The following SAMD8 variants were observed in gnomAD, a reference collection of about 807,000 sequenced individuals.
The protein encoded by SAMD8 is sphingomyelin synthase-related protein 1.
A neutral mutation model predicts 42.0 loss-of-function variants in SAMD8; 20 were observed. That is an observed-to-expected ratio of 0.48 (90% confidence interval 0.34 to 0.69). SAMD8 has a LOEUF of 0.69. Among genes scored for constraint, SAMD8 ranks in the 30% least tolerant of loss-of-function variants. The probability of loss-of-function intolerance (pLI) is 0.01; values close to 1 mark genes in which losing one functional copy is unlikely to be tolerated. For missense variants in SAMD8, 328 were observed against 511.6 expected, an observed-to-expected ratio of 0.64 and a Z score of 3.46; for synonymous variants, 162 against 173.0, an observed-to-expected ratio of 0.94 and a Z score of 0.50.
chr10:75,138,941 TG>T (rs947526946), intron 1 of SAMD8, among the ~76,000 whole-genome samples: 4 of 151,334 alleles, frequency 2.6e-5, no homozygotes, highest in Admixed American at 2.6e-4. Context: ...TGACCTTTGA[TG>T]CTTAAGTGGT....
chr10:75,109,286 T>A, upstream of SAMD8: 1 of 1,116,214 alleles, frequency 9.0e-7, no homozygotes, highest in Admixed American at 3.3e-5. Context: ...CAGGGGCCTC[T>A]GGAGTGGACA....
At chr10:75,134,035 G>C (rs1045109207) in intron 1 of SAMD8, among the ~76,000 whole-genome samples, 2 of 152,128 alleles carry the variant, frequency 1.3e-5, no homozygotes, top group Non-Finnish European at 2.9e-5. Context: ...GAACATACGT[G>C]TGCATGCATC....
At chr10:75,151,149 T>A in intron 2 of SAMD8, 43 bp downstream of exon 2, 1 of 1,018,178 alleles carries the variant, frequency 9.8e-7, no homozygotes, top group Non-Finnish European at 1.4e-6. Flanking sequence ...GATGTTGCTA[T>A]AATTAACAGC....
chr10:75,108,888 G>A (rs576991434), upstream of SAMD8: 22 of 1,326,540 alleles, frequency 1.7e-5, no homozygotes, highest in African/African-American at 3.2e-4. Flanking sequence ...AAGGTCCCTG[G>A]CCTGGGATGG....
chr10:75,134,032 C>T lies in SAMD8; in HGVS notation c.-15-16482C>T, dbSNP rs564564670. On this transcript the variant is annotated intron_variant, in intron 1 of 5. Coordinates refer to ENST00000542569, the MANE Select transcript of SAMD8 (RefSeq NM_001174156.2). ...TGTGAATAGTGCTGCAGTGAACATA[C>T]GTGTGCATGCATCTTTATAATAGAA... Among the ~76,000 whole-genome samples, 48 of 152,098 alleles carry T rather than the reference C, an allele frequency of 3.2e-4. 1 individual carries two copies. Among genetic ancestry groups the T allele is most frequent in the East Asian group, 1.4e-3 (7 of 5,168 alleles).
chr10:75,154,806 T>G (rs1196991357), intron 2 of SAMD8, among the ~76,000 whole-genome samples: 1 of 152,206 alleles, frequency 6.6e-6, no homozygotes, highest in Non-Finnish European at 1.5e-5. Flanking sequence ...ATTTTGAAAT[T>G]AGAAAATTAG....
At chr10:75,168,342 G>C in intron 3 of SAMD8, 199 bp from the exon 4 acceptor site, 1 of 728,892 alleles carries the variant, frequency 1.4e-6, no homozygotes, top group Non-Finnish European at 1.7e-6. Context: ...TAGCTTCTTG[G>C]ACAGTATATG....
chr10:75,146,583 GC>G (rs1840142019), intron 1 of SAMD8, among the ~76,000 whole-genome samples: 1 of 152,024 alleles, frequency 6.6e-6, no homozygotes, highest in Non-Finnish European at 1.5e-5. Flanking sequence ...ACCGCACCTG[GC>G]TGAAACTTTT....
rs760494235 is a variant in SAMD8, at chr10:75,176,698, A to G, written c.*6A>G. 10 of 1,495,496 alleles carry G rather than the reference A, an allele frequency of 6.7e-6. No homozygotes were observed. Among genetic ancestry groups the G allele is most frequent in the Middle Eastern group, 1.7e-4 (1 of 5,774 alleles). The allele number at this position is 1,495,496 out of a possible 1,614,324, so 92.6% of individuals were successfully genotyped here. A position where few individuals can be genotyped will look rare whatever the true frequency, so the allele number is the denominator to read the frequency against. On this transcript the variant is annotated 3_prime_UTR_variant, in exon 6 of 6. Coordinates refer to ENST00000542569, the MANE Select transcript of SAMD8 (RefSeq NM_001174156.2). This position sits in a 1 kb window ranked among gnomAD's most constrained non-coding sequence, Gnocchi z 4.3. ...TGAAAAGACTAATTGGATGAATACT[A>G]TCTTTCTAATGAATTTGTGATTAAA... is the stretch of plus-strand genomic sequence containing the variant.
upstream of SAMD8, among the ~76,000 whole-genome samples, chr10:75,109,934 T>C (rs1848724272): frequency 6.6e-6 from 1 of 152,146 alleles, no homozygotes; most frequent in South Asian, 2.1e-4. Flanking sequence ...TCTCCTGCTT[T>C]AGCTTCCTGA....
At chr10:75,162,424 C>T (rs1349615880) in intron 2 of SAMD8, among the ~76,000 whole-genome samples, 1 of 151,682 alleles carries the variant, frequency 6.6e-6, no homozygotes, top group Non-Finnish European at 1.5e-5. Context: ...CTGAGGCAGG[C>T]GGATGACCTG....
chr10:75,166,818 A>G (rs1840692749), intron 3 of SAMD8, among the ~76,000 whole-genome samples: 1 of 152,220 alleles, frequency 6.6e-6, no homozygotes, highest in Admixed American at 6.5e-5. Context: ...TAGGTTTAAC[A>G]AAGCATAGAG....
chr10:75,124,725 A>G (rs1228259570), intron 1 of SAMD8, among the ~76,000 whole-genome samples: 1 of 151,580 alleles, frequency 6.6e-6, no homozygotes. Context: ...TGTTTCCTTC[A>G]TTCTGTCTTC....
At chr10:75,144,163 T>C (rs546507866) in intron 1 of SAMD8, among the ~76,000 whole-genome samples, 1 of 149,962 alleles carries the variant, frequency 6.7e-6, no homozygotes, top group South Asian at 2.1e-4. Flanking sequence ...GAGATGGGGT[T>C]TTCACAGTGT....
chr10:75,141,202 A>C (rs1422629259), intron 1 of SAMD8, among the ~76,000 whole-genome samples: 1 of 151,914 alleles, frequency 6.6e-6, no homozygotes, highest in East Asian at 1.9e-4. Flanking sequence ...AAATTAGCCA[A>C]GTGTGCCAAG....
intron 1 of SAMD8, among the ~76,000 whole-genome samples, chr10:75,131,650 A>T (rs1849276100): frequency 6.6e-6 from 1 of 152,172 alleles, no homozygotes. Context: ...AGTCTCCAAA[A>T]TATGGTAAGA....
At chr10:75,101,862 C>T (rs550891424) in intron 1 of SAMD8, 4 of 1,366,202 alleles carry the variant, frequency 2.9e-6, no homozygotes, top group Non-Finnish European at 2.9e-6. Flanking sequence ...GGAGCACTCA[C>T]CCACCTGTGG....
rs573388678 is a variant in SAMD8 at position 75,162,984 on chromosome 10, G to A, written c.579-1661G>A. 3.3e-5 allele frequency among the ~76,000 whole-genome samples: 5 copies of A among 152,046 alleles called. No individual in the cohort carries two copies. In the South Asian group the frequency reaches 1.0e-3, roughly 32 times the overall value. On this transcript the variant is annotated intron_variant, in intron 2 of 5. Transcript: ENST00000542569. ...CTGTCACCCAGGCTGGAGTGCAGTG[G>A]CAACGATCTCGGCTCACTGCAACCT...
chr10:75,105,634 A>T, intron 1 of SAMD8: 1 of 1,542,058 alleles, frequency 6.5e-7, no homozygotes, highest in Non-Finnish European at 8.8e-7. Flanking sequence ...GGCCAACCAC[A>T]TCCAGCTTTG....
Sources: gnomAD v4.1 joint callset for allele counts (sites outside exome capture counted in the v4.1 genomes callset) on GRCh38, gnomAD v4.1.1 for gene constraint, Gnocchi (gnomAD v3.1) non-coding constraint, MANE v1.5 for transcripts, NCBI Gene and HGNC (gene_info 2026-07-23, HGNC 2026-07-21) for gene names.